The following MICAL3 variants were observed in gnomAD, a reference collection of about 807,000 sequenced individuals.
The protein encoded by MICAL3 is [F-actin]-monooxygenase MICAL3.
MICAL3 carries 62 observed loss-of-function variants against 207.4 expected under a neutral mutation model. The observed-to-expected ratio is 0.30, with a 90% CI of 0.24 to 0.37. MICAL3 has a LOEUF of 0.37. Ranked by LOEUF, MICAL3 falls within the 10% of genes least tolerant of loss-of-function variation. The pLI is 1.00. For missense variants in MICAL3, 2,368 were observed against 2,635.6 expected (o/e 0.90, Z 2.22); for synonymous variants, 1,077 against 1,069.3 (o/e 1.01, Z -0.14).
At position 17,999,574 on chromosome 22, in the gene MICAL3, GTA is replaced by G. The variant is rs146863422; in HGVS notation, c.-75+24705_-75+24706del. Among the ~76,000 whole-genome samples, 1,217 of 152,234 alleles carry G rather than the reference GTA, an allele frequency of 8.0e-3. 18 individuals are homozygous for G. Among genetic ancestry groups the G allele is most frequent in the African/African-American group, 0.028 (1,177 of 41,530 alleles). ...CCAAGGACTGTGCTAAGTTCTTCAC[GTA>G]CATTATTTCCAAAGCCCATTTTCTC... On this transcript the variant is annotated intron_variant, in intron 1 of 31. Transcript: ENST00000441493.
At position 17,889,022 on chromosome 22, in the gene MICAL3, T is replaced by C. The variant is rs2146226751; in HGVS notation, c.1891+12A>G. On this transcript the variant is annotated intron_variant, in intron 13 of 31. Coordinates refer to ENST00000441493, the MANE Select transcript of MICAL3 (RefSeq NM_015241.3). Reference sequence around the variant, plus strand: ...AGCAGGGGGCCGCAAAGCAGCTCCTTCCAGGCCTTACCGCTAGAGGGGAGG... The same window carrying C: ...AGCAGGGGGCCGCAAAGCAGCTCCTCCCAGGCCTTACCGCTAGAGGGGAGG... 2 of 1,588,762 alleles carry C rather than the reference T, an allele frequency of 1.3e-6. No individual in the cohort carries two copies. Among genetic ancestry groups the C allele is most frequent in the Non-Finnish European group, 1.7e-6 (2 of 1,161,370 alleles).
chr22:17,865,180 A>G (rs1926957583), intron 18 of MICAL3, among the ~76,000 whole-genome samples, 194 bp from the exon 19 acceptor site: 1 of 151,850 alleles, frequency 6.6e-6, no homozygotes, highest in African/African-American at 2.4e-5. Context: ...GCATCATCAT[A>G]GCTCACTGCA....
chr22:17,992,189 A>G (rs1380810840), intron 1 of MICAL3, among the ~76,000 whole-genome samples: 1 of 152,220 alleles, frequency 6.6e-6, no homozygotes, highest in Non-Finnish European at 1.5e-5. Flanking sequence ...GACGGGCCCA[A>G]GGGCAGCCTG....
At chr22:17,923,188 C>T (rs772077902) in intron 1 of MICAL3, among the ~76,000 whole-genome samples, 1 of 152,210 alleles carries the variant, frequency 6.6e-6, no homozygotes, top group Non-Finnish European at 1.5e-5. Flanking sequence ...CCCCAAGCTA[C>T]ACTCAGGCAG....
At chr22:17,857,844 T>C (rs1411422072) in intron 19 of MICAL3, among the ~76,000 whole-genome samples, 2 of 152,216 alleles carry the variant, frequency 1.3e-5, no homozygotes, top group East Asian at 3.9e-4. Flanking sequence ...ATTCTGCCTA[T>C]GCACGGCATA....
At chr22:17,956,399 C>T (rs1375632050) in intron 1 of MICAL3, among the ~76,000 whole-genome samples, 2 of 152,168 alleles carry the variant, frequency 1.3e-5, no homozygotes, top group African/African-American at 4.8e-5. Flanking sequence ...ACCGGCCGGG[C>T]ATGGTGGCTC....
In MICAL3 at chr22:17,896,287, A is replaced by G. The variant is rs2146245450; in HGVS notation, c.1281T>C (p.Ser427=). ...AAMDSAWMVR[S]WSLGTSPLEV... The stretch of plus-strand genomic sequence containing the variant: ...CCAAAGGGCTCGTTCCTAGAGACCA[A>G]CTTCGGACCATCCAGGCAGAGTCCA... Residue 427 remains serine, a synonymous_variant, in exon 9 of 32, where the codon AGT becomes AGC. Transcript: ENST00000441493. 1 of 1,560,122 alleles carries G rather than the reference A, an allele frequency of 6.4e-7. No homozygotes were observed. The highest frequency in any genetic ancestry group is 8.7e-7 in the Non-Finnish European group (1 of 1,151,632).
intron 22 of MICAL3, among the ~76,000 whole-genome samples, chr22:17,826,274 G>GC (rs35899218): frequency 0.31 from 46,911 of 152,078 alleles, 7,594 homozygotes; most frequent in Non-Finnish European, 0.34. Flanking sequence ...CTGAAGGGGG[G>GC]GTGTGCGTCT....
rs555495331 is a variant in MICAL3, at chr22:18,018,173, C to T, written c.-75+6108G>A. On this transcript the variant is annotated intron_variant, in intron 1 of 31. Transcript: ENST00000441493. ...ACAAGCGTGAGCCACTGCGCCCAGC[C>T]GATAGAAATTTTAAATTTAAATGAA... Among the ~76,000 whole-genome samples, 8 of 152,136 alleles carry T rather than the reference C, an allele frequency of 5.3e-5. No homozygotes were observed. The East Asian group carries it at 1.4e-3, about 26-fold the overall frequency.
intron 16 of MICAL3, among the ~76,000 whole-genome samples, chr22:17,885,173 T>A (rs762720435): frequency 6.6e-6 from 1 of 152,218 alleles, no homozygotes; most frequent in Non-Finnish European, 1.5e-5. Context: ...GCATGGCATG[T>A]GGGAGTGCTG....
At chr22:17,923,142 A>G (rs1395419273) in intron 1 of MICAL3, among the ~76,000 whole-genome samples, 4 of 152,146 alleles carry the variant, frequency 2.6e-5, no homozygotes, top group Non-Finnish European at 5.9e-5. Context: ...GTGAGTAACA[A>G]GCTTGCTTTC....
chr22:17,866,723 C>A (rs928751813), intron 17 of MICAL3, among the ~76,000 whole-genome samples: 2 of 152,032 alleles, frequency 1.3e-5, no homozygotes, highest in Admixed American at 1.3e-4. Context: ...GAGAATAAAA[C>A]GTTATTTCTT....
chr22:17,881,717 G>C (rs556409073), intron 16 of MICAL3, among the ~76,000 whole-genome samples: 1 of 152,300 alleles, frequency 6.6e-6, no homozygotes, highest in East Asian at 1.9e-4. Context: ...CCCCTTCAGG[G>C]AGCAGCTGTG....
At chr22:17,961,892 G>A (rs928973521) in intron 1 of MICAL3, among the ~76,000 whole-genome samples, 1 of 152,198 alleles carries the variant, frequency 6.6e-6, no homozygotes, top group African/African-American at 2.4e-5. Context: ...ATGGGCAAGT[G>A]GCGGGGCTGT....
At chr22:17,792,744 GGTT>G (rs1198279670) in intron 29 of MICAL3, among the ~76,000 whole-genome samples, 1 of 152,212 alleles carries the variant, frequency 6.6e-6, no homozygotes, top group Admixed American at 6.5e-5. Context: ...CTCCCAAGGG[GGTT>G]CCTGCCCCTG....
At chr22:17,954,190 T>C (rs1438563334) in intron 1 of MICAL3, among the ~76,000 whole-genome samples, 2 of 152,062 alleles carry the variant, frequency 1.3e-5, no homozygotes, top group South Asian at 2.1e-4. Flanking sequence ...CTAGAACCTG[T>C]TAAAGAAAAA....
chr22:17,986,066 C>T (rs978599483), intron 1 of MICAL3, among the ~76,000 whole-genome samples: 17 of 152,162 alleles, frequency 1.1e-4, no homozygotes, highest in Non-Finnish European at 5.9e-5. Context: ...GCCACCATGC[C>T]CAGCTAATTT....
Position 17,902,695 on chromosome 22 carries a change from A to G in MICAL3, c.525T>C (p.Ile175=), listed in dbSNP as rs758925335. 6.2e-7 allele frequency: 1 copy of G among 1,607,428 alleles called. No homozygotes were observed. The highest frequency in any genetic ancestry group is 8.5e-7 in the Non-Finnish European group (1 of 1,176,550). The part of the protein sequence containing the change: ...ILLKVALILG[I]EIHVNVEFQG... ...GGAATTCCACATTGACGTGGATTTC[A>G]ATGCCTAGGATCAAGGCTACTTTCA... is the stretch of plus-strand genomic sequence containing the variant. The change falls in exon 4 of 32, where the codon ATT becomes ATC. Residue 175 remains isoleucine, a synonymous_variant. Transcript: ENST00000441493. This position sits in a 1 kb window ranked among gnomAD's most constrained non-coding sequence, Gnocchi z 4.5.
intron 1 of MICAL3, among the ~76,000 whole-genome samples, chr22:17,994,043 G>A (rs946560124): frequency 3.9e-5 from 6 of 152,214 alleles, no homozygotes; most frequent in African/African-American, 7.2e-5. Flanking sequence ...GACTGAGCGC[G>A]TTAAGACACG....
Sources: gnomAD v4.1 joint callset for allele counts (sites outside exome capture counted in the v4.1 genomes callset) on GRCh38, gnomAD v4.1.1 for gene constraint, Gnocchi (gnomAD v3.1) non-coding constraint, MANE v1.5 for transcripts, NCBI Gene and HGNC (gene_info 2026-07-23, HGNC 2026-07-21) for gene names.